Variants in PLXNA1 observed in about 807,000 individuals in gnomAD.
The protein encoded by PLXNA1 is plexin-A1.
PLXNA1 carries 77 observed loss-of-function variants against 191.7 expected under a neutral mutation model. The observed-to-expected ratio is 0.40, with a 90% CI of 0.33 to 0.49. The LOEUF (loss-of-function observed/expected upper bound fraction) is 0.49. Among genes scored for constraint, PLXNA1 ranks in the 20% least tolerant of loss-of-function variants. PLXNA1 has a pLI of 0.63. For missense variants in PLXNA1, 2,110 were observed against 2,660.2 expected, an observed-to-expected ratio of 0.79 and a Z score of 4.55; for synonymous variants, 1,137 against 1,156.4, an observed-to-expected ratio of 0.98 and a Z score of 0.34.
In PLXNA1 at chr3:127,029,073, C is replaced by T; in HGVS notation, c.4750C>T (p.Leu1584=). ...TTKIDNDWKR[L]NTLAHYQVTD... ...CAAGATTGACAACGATTGGAAGAGG[C>T]TGAACACACTGGCTCACTACCAGGT... The change falls in exon 26 of 32, where the codon CTG becomes TTG. Residue 1584 remains leucine (L), a synonymous_variant. Transcript: ENST00000393409. 6.2e-7 allele frequency: 1 copy of T among 1,613,722 alleles called. No individual in the cohort carries two copies. Among genetic ancestry groups the T allele is most frequent in the Non-Finnish European group, 8.5e-7 (1 of 1,179,874 alleles).
At chr3:127,008,358 C>T (rs138875312) in intron 9 of PLXNA1, among the ~76,000 whole-genome samples, 3 of 152,274 alleles carry the variant, frequency 2.0e-5, no homozygotes, top group East Asian at 3.9e-4. Flanking sequence ...GGGAGCTTGC[C>T]GGCCTAGCGT....
At position 127,035,289 on chromosome 3, in the gene PLXNA1, G is replaced by C. The variant is rs1156831418; in HGVS notation, c.*1272G>C. 6.6e-6 allele frequency: 1 copy of C among 152,222 alleles called. No homozygotes were observed. The highest frequency in any genetic ancestry group is 1.5e-5 in the Non-Finnish European group (1 of 68,048). The allele number at this position is 152,222 out of a possible 1,614,324, so 9.4% of individuals were successfully genotyped here. A position where few individuals can be genotyped will look rare whatever the true frequency, so the allele number is the denominator to read the frequency against. On this transcript the variant is annotated 3_prime_UTR_variant, in exon 32 of 32. Transcript: ENST00000393409. ...CAGGCTCCAGCCCCAGTGGGGTACT[G>C]TACAGTTAACTGAAGAAGAATTTTA...
rs778561430 is a variant in PLXNA1, at chr3:126,991,443, A to G, written c.1254A>G (p.Thr418=). The G allele has an allele frequency of 7.4e-6, 12 of 1,612,816 alleles. No homozygotes were observed. The highest frequency in any genetic ancestry group is 1.7e-5 in the Admixed American group (1 of 59,984). The change falls in exon 3 of 32, where the codon ACA becomes ACG. Residue 418 remains threonine, a synonymous_variant. Transcript: ENST00000393409. ...ACTTCAACCAGCCCCTGGGGGGCACAGTCACCATTGAGGGGACGCCCCTGT... is the reference window on the plus strand; with the variant it reads ...ACTTCAACCAGCCCCTGGGGGGCACGGTCACCATTGAGGGGACGCCCCTGT... ...GQDFNQPLGG[T]VTIEGTPLFV...
In PLXNA1 at chr3:127,029,463, A is replaced by C; in HGVS notation, c.4797A>C (p.Ala1599=). ...AGGTGACAGACGGGTCCTCGGTGGCACTGGTGCCCAAGCAGACGTCCGCCT... is the reference window on the plus strand; with the variant it reads ...AGGTGACAGACGGGTCCTCGGTGGCCCTGGTGCCCAAGCAGACGTCCGCCT... The part of the protein sequence containing the change: ...HYQVTDGSSV[A]LVPKQTSAYN... Residue 1599 remains alanine (A), a synonymous_variant, in exon 27 of 32, where the codon GCA becomes GCC. Transcript: ENST00000393409. 1 of 1,613,768 alleles carries C rather than the reference A, an allele frequency of 6.2e-7. No individual in the cohort carries two copies. The highest frequency in any genetic ancestry group is 8.5e-7 in the Non-Finnish European group (1 of 1,179,936).
intron 9 of PLXNA1, among the ~76,000 whole-genome samples, chr3:127,008,162 C>G (rs2079077990): frequency 6.6e-6 from 1 of 152,106 alleles, no homozygotes; most frequent in South Asian, 2.1e-4. Flanking sequence ...CCCTGGGTGT[C>G]CTTCGTGACA....
At chr3:127,029,383 C>T in intron 26 of PLXNA1, 57 bp from the exon 27 acceptor site, 1 of 1,536,322 alleles carries the variant, frequency 6.5e-7, no homozygotes, top group Non-Finnish European at 9.0e-7. Flanking sequence ...GGAGTGGGAG[C>T]CTGGTGGTGC....
intron 3 of PLXNA1, among the ~76,000 whole-genome samples, chr3:127,002,439 G>A (rs549293265): frequency 6.6e-6 from 1 of 152,358 alleles, no homozygotes; most frequent in African/African-American, 2.4e-5. Flanking sequence ...GGCTTTCGCT[G>A]GGCCCTGCTG....
intron 8 of PLXNA1, among the ~76,000 whole-genome samples, chr3:127,006,787 G>A (rs1003729059): frequency 2.0e-5 from 3 of 152,098 alleles, no homozygotes; most frequent in African/African-American, 7.2e-5. Flanking sequence ...TATGCCTGCT[G>A]CCCATTTTGG....
In PLXNA1 at chr3:127,015,415, G is replaced by A. The variant is rs2079118162; in HGVS notation, c.3014+95G>A. The A allele has an allele frequency of 2.0e-6, 3 of 1,472,700 alleles. No homozygotes were observed. The Admixed American group carries it at 6.0e-5, about 30-fold the overall frequency. The allele number at this position is 1,472,700 out of a possible 1,614,324, so 91.2% of individuals were successfully genotyped here. A position where few individuals can be genotyped will look rare whatever the true frequency, so the allele number is the denominator to read the frequency against. On this transcript the variant is annotated intron_variant, in intron 15 of 31. Transcript: ENST00000393409. The stretch of plus-strand genomic sequence containing the variant: ...CTTGTTGCCTGGGCAACGGGGCTAT[G>A]GAGAGCCTGGCTGGGGTGATCACTG...
chr3:127,010,700 TG>T (rs923321021), intron 9 of PLXNA1, among the ~76,000 whole-genome samples: 3 of 152,084 alleles, frequency 2.0e-5, no homozygotes, highest in Non-Finnish European at 4.4e-5. Context: ...ACCTGGGTTC[TG>T]GGGGTGGGCC....
chr3:127,010,532 G>A (rs1013320391), intron 9 of PLXNA1, among the ~76,000 whole-genome samples: 5 of 152,188 alleles, frequency 3.3e-5, no homozygotes, highest in African/African-American at 1.2e-4. Flanking sequence ...CAGCCAGTCA[G>A]CTTCCTGCAC....
chr3:127,016,124 G>A (rs781493371), intron 15 of PLXNA1, among the ~76,000 whole-genome samples: 15 of 152,034 alleles, frequency 9.9e-5, no homozygotes, highest in Non-Finnish European at 2.1e-4. Flanking sequence ...GGCAGCATGA[G>A]CCTACCTCCC....
intron 3 of PLXNA1, among the ~76,000 whole-genome samples, chr3:126,993,955 C>T (rs2079003316): frequency 6.6e-6 from 1 of 152,230 alleles, no homozygotes; most frequent in African/African-American, 2.4e-5. Flanking sequence ...TCCCAGCCCT[C>T]TCCTTGCCCA....
rs151338706 is a variant in PLXNA1, at chr3:127,017,549, G to A, written c.3401G>A (p.Arg1134His). ...DELGFVMDNVRSLLVLNSTSF... is the reference protein window; with the variant it reads ...DELGFVMDNVHSLLVLNSTSF... Reference sequence around the variant, plus strand: ...CTGGGCTTCGTCATGGACAACGTGCGCTCCCTGCTTGTGCTCAACTCCACC... The same window carrying A: ...CTGGGCTTCGTCATGGACAACGTGCACTCCCTGCTTGTGCTCAACTCCACC... Residue 1134 changes from arginine to histidine, a missense_variant, in exon 18 of 32, where the codon CGC (arginine) becomes CAC (histidine). By Grantham distance (29) the Arg-to-His change is conservative (BLOSUM62 0). Around this residue, in one of 4 missense-constraint regions of PLXNA1, gnomAD observed 644 missense variants for 714.3 expected, o/e 0.90. Coordinates refer to ENST00000393409, the MANE Select transcript of PLXNA1 (RefSeq NM_032242.4). The A allele has an allele frequency of 1.3e-4, 209 of 1,613,666 alleles. No homozygotes were observed. The East Asian group carries it at 3.9e-3, about 30-fold the overall frequency.
intron 1 of PLXNA1, among the ~76,000 whole-genome samples, chr3:126,983,931 C>G (rs1254745075): frequency 7.2e-5 from 11 of 152,164 alleles, no homozygotes; most frequent in Non-Finnish European, 1.5e-4. Context: ...CAGCTGCCAC[C>G]GCTCCCACTG....
chr3:127,019,241 G>A (rs986123057), intron 20 of PLXNA1, among the ~76,000 whole-genome samples: 2 of 150,856 alleles, frequency 1.3e-5, no homozygotes, highest in South Asian at 4.1e-4. Context: ...ATTCCACTGG[G>A]ACTCAACTGG....
Position 127,018,505 on chromosome 3 carries a change from G to T in PLXNA1, c.3872G>T (p.Arg1291Leu). Residue 1291 changes from arginine to leucine, a missense_variant, in exon 20 of 32, where the codon CGC (arginine) becomes CTC (leucine). By Grantham distance (102) the Arg-to-Leu change is moderately radical. Around this residue, in one of 4 missense-constraint regions of PLXNA1, gnomAD observed 559 missense variants for 911.5 expected, o/e 0.61. Transcript: ENST00000393409. ...LQLQMDNLES[R>L]VALECKEAFA... ...CTCCAGATGGACAACCTGGAGTCCC[G>T]CGTGGCCCTCGAATGCAAGGAAGGT... The T allele has an allele frequency of 6.2e-7, 1 of 1,610,696 alleles. No individual in the cohort carries two copies. The highest frequency in any genetic ancestry group is 8.5e-7 in the Non-Finnish European group (1 of 1,178,154).
chr3:127,007,769 C>T (rs932765943), intron 8 of PLXNA1, 30 bp from the exon 9 acceptor site: 3 of 1,516,248 alleles, frequency 2.0e-6, no homozygotes, highest in South Asian at 2.3e-5. Context: ...TGCGGGTCCC[C>T]AGGCTTCAGC....
chr3:127,027,952 G>T lies in PLXNA1; in HGVS notation c.4375G>T (p.Glu1459Ter). 2 of 1,613,598 alleles carry T rather than the reference G, an allele frequency of 1.2e-6. No individual in the cohort carries two copies. The highest frequency in any genetic ancestry group is 3.3e-4 in the Middle Eastern group (2 of 6,030). ...GCCACCCCCGCAGGAGTGCGCTGGG[G>T]AGCCGCTGTTCATGCTGTACTGCGC... ...LYKFLKECAGEPLFMLYCAIK... is the reference protein window; with the variant it reads ...LYKFLKECAG The change falls in exon 24 of 32, where the codon GAG (glutamate) becomes TAG (stop). Residue 1459 changes from glutamate (E) to a stop codon, truncating the protein, a stop_gained. Transcript: ENST00000393409. LOFTEE classifies it high-confidence loss of function.
Sources: allele counts gnomAD v4.1 joint callset (sites outside exome capture counted in the v4.1 genomes callset), GRCh38; gene constraint gnomAD v4.1.1; regional missense constraint gnomAD v4.1.1; transcripts MANE v1.5; gene names NCBI Gene and HGNC (gene_info 2026-07-23, HGNC 2026-07-21).